EHHADH: variants seen among roughly 807,000 people sequenced by gnomAD.
EHHADH encodes the protein enoyl-CoA hydratase and 3-hydroxyacyl CoA dehydrogenase, also known as peroxisomal bifunctional enzyme.
A neutral mutation model predicts 64.4 loss-of-function variants in EHHADH; 48 were observed. The ratio of observed to expected loss-of-function variants is 0.75; its 90% confidence interval spans 0.59 to 0.95. The LOEUF is 0.95. Ranked by LOEUF, EHHADH falls within the 40% of genes least tolerant of loss-of-function variation. The pLI, the probability that EHHADH is intolerant of heterozygous loss-of-function variation, is 0.00. For missense variants in EHHADH, 854 were observed against 876.6 expected (o/e 0.97, Z 0.33); for synonymous variants, 308 against 326.7 (o/e 0.94, Z 0.62).
At position 185,192,330 on chromosome 3, in the gene EHHADH, G is replaced by A; in HGVS notation, c.2068C>T (p.Pro690Ser). The change falls in exon 7 of 7, where the codon CCC becomes TCC. Residue 690 changes from proline to serine, a missense_variant. Pro to Ser is a moderately conservative substitution (Grantham distance 74). Coordinates refer to ENST00000231887, the MANE Select transcript of EHHADH (RefSeq NM_001966.4). ...AGATAGTCACTTGGCTCCAGTTGGG[G>A]AATATCAGGGTTCTGCCTGTAATAT... The part of the protein sequence containing the change: ...QKYYRQNPDI[P>S]QLEPSDYLKK... 6.2e-7 allele frequency: 1 copy of A among 1,614,110 alleles called. No homozygotes were observed. The highest frequency in any genetic ancestry group is 1.7e-5 in the Admixed American group (1 of 60,014).
rs1244087363 is a variant in EHHADH, at chr3:185,235,468, G to A, written c.179-6C>T. 1.9e-6 allele frequency: 3 copies of A among 1,599,140 alleles called. No individual in the cohort carries two copies. The highest frequency in any genetic ancestry group is 1.1e-5 in the South Asian group (1 of 88,966). ...GAAGCCACGAATATCAGCACCTAAG[G>A]GCACAAAGACAAGGAGAAAACAGAG... On this transcript the variant is annotated splice_region_variant and splice_polypyrimidine_tract_variant and intron_variant, in intron 2 of 6. Coordinates refer to ENST00000231887, the MANE Select transcript of EHHADH (RefSeq NM_001966.4).
chr3:185,242,864 C>A (rs1214302172), intron 2 of EHHADH, among the ~76,000 whole-genome samples: 1 of 152,218 alleles, frequency 6.6e-6, no homozygotes, highest in Non-Finnish European at 1.5e-5. Context: ...CACCCTCCCC[C>A]GAGTTCTGGC....
At chr3:185,251,344 T>C (rs1034869112) in intron 1 of EHHADH, among the ~76,000 whole-genome samples, 2 of 152,078 alleles carry the variant, frequency 1.3e-5, no homozygotes, top group Middle Eastern at 3.4e-3. Flanking sequence ...CAAGTAAGGA[T>C]AGGTTTTGTT....
At chr3:185,200,113 T>C (rs1718184169) in intron 6 of EHHADH, among the ~76,000 whole-genome samples, 1 of 152,222 alleles carries the variant, frequency 6.6e-6, no homozygotes, top group Non-Finnish European at 1.5e-5. Context: ...ACACTTATTG[T>C]GTTAAGCTAC....
chr3:185,198,865 T>A (rs866584260), intron 6 of EHHADH, among the ~76,000 whole-genome samples: 128 of 151,862 alleles, frequency 8.4e-4, no homozygotes, highest in African/African-American at 2.9e-3. Flanking sequence ...AAAAAAAATT[T>A]AAAAAAAGAT....
intron 6 of EHHADH, among the ~76,000 whole-genome samples, 163 bp downstream of exon 6, chr3:185,204,253 C>T (rs181605142): frequency 6.0e-4 from 91 of 152,112 alleles, no homozygotes; most frequent in African/African-American, 2.1e-3. Flanking sequence ...GTCTCTAGGC[C>T]TCTCATGTTA....
chr3:185,249,639 T>G (rs1314343867), intron 1 of EHHADH, among the ~76,000 whole-genome samples: 1 of 152,158 alleles, frequency 6.6e-6, no homozygotes, highest in African/African-American at 2.4e-5. Flanking sequence ...GGTACTTGCT[T>G]CTCCTTTGCC....
intron 6 of EHHADH, among the ~76,000 whole-genome samples, chr3:185,203,708 G>T (rs1033289071): frequency 6.6e-6 from 1 of 152,138 alleles, no homozygotes; most frequent in Non-Finnish European, 1.5e-5. Flanking sequence ...TGAATGGATC[G>T]GGGGACGGAA....
chr3:185,205,789 G>T (rs1225740389), intron 5 of EHHADH, among the ~76,000 whole-genome samples: 2 of 152,090 alleles, frequency 1.3e-5, no homozygotes, highest in Non-Finnish European at 1.5e-5. Context: ...CCACTGAATA[G>T]GTGTGTGCAT....
At chr3:185,230,701 G>C (rs1224106252) in intron 3 of EHHADH, among the ~76,000 whole-genome samples, 1 of 41,202 alleles carries the variant, frequency 2.4e-5, no homozygotes, top group Non-Finnish European at 4.6e-5. Context: ...GGCAAAACAT[G>C]ATAAACAAAA....
At position 185,192,719 on chromosome 3, in the gene EHHADH, G is replaced by A. The variant is rs1264061280; in HGVS notation, c.1679C>T (p.Pro560Leu). ...ARKRGNRRYC[P>L]IPDVLCELGR... ...TAATTCACAGAGCACATCAGGAATT[G>A]GGCAGTACCTCCTATTACCCCTTTT... is the stretch of plus-strand genomic sequence containing the variant. Residue 560 changes from proline (P) to leucine (L), a missense_variant, in exon 7 of 7, where the codon CCA becomes CTA. Physicochemically the swap from Pro to Leu is moderately conservative, Grantham distance 98. Coordinates refer to ENST00000231887, the MANE Select transcript of EHHADH (RefSeq NM_001966.4). The A allele has an allele frequency of 1.6e-5, 26 of 1,613,944 alleles. No individual in the cohort carries two copies. The highest frequency in any genetic ancestry group is 2.1e-5 in the Non-Finnish European group (25 of 1,180,004).
At chr3:185,209,768 G>T (rs765659557) in intron 5 of EHHADH, among the ~76,000 whole-genome samples, 12 of 152,184 alleles carry the variant, frequency 7.9e-5, no homozygotes, top group Admixed American at 2.0e-4. Context: ...GTGTTGGAAA[G>T]AATGAGTTTC....
At chr3:185,201,703 C>G (rs1056531553) in intron 6 of EHHADH, among the ~76,000 whole-genome samples, 3 of 152,132 alleles carry the variant, frequency 2.0e-5, no homozygotes, top group Non-Finnish European at 2.9e-5. Context: ...ATATTTAGTA[C>G]GCCCTTTCCA....
In EHHADH at chr3:185,235,413, C is replaced by G. The variant is rs536884546; in HGVS notation, c.228G>C (p.Leu76=). The change falls in exon 3 of 7, where the codon CTG becomes CTC. Residue 76 remains leucine, a synonymous_variant. Transcript: ENST00000231887. The part of the protein sequence containing the change: ...FSAPRTFGLT[L]GHVVDEIQRN... ...TCTGTATTTCATCTACTACATGTCC[C>G]AGTGTAAGGCCAAATGTCCTAGGAG... The G allele has an allele frequency of 6.8e-6, 11 of 1,613,718 alleles. No homozygotes were observed. The highest frequency in any genetic ancestry group is 9.3e-6 in the Non-Finnish European group (11 of 1,179,946).
intron 3 of EHHADH, among the ~76,000 whole-genome samples, chr3:185,234,473 G>A (rs1233334953): frequency 6.6e-6 from 1 of 152,190 alleles, no homozygotes; most frequent in Non-Finnish European, 1.5e-5. Flanking sequence ...TAGAGTCTCG[G>A]GGCTCTCTAT....
At chr3:185,248,158 G>T in intron 2 of EHHADH, 1 of 393,330 alleles carries the variant, frequency 2.5e-6, no homozygotes, top group South Asian at 5.0e-5. Flanking sequence ...GTATATATCA[G>T]CAGGTGTATA....
At chr3:185,245,829 G>A (rs765948718) in intron 2 of EHHADH, 7 of 804,920 alleles carry the variant, frequency 8.7e-6, no homozygotes, top group East Asian at 2.4e-5. Flanking sequence ...ACGACCTGTG[G>A]AGGTTGCATA....
intron 6 of EHHADH, among the ~76,000 whole-genome samples, chr3:185,202,056 G>A (rs2108628046): frequency 6.6e-6 from 1 of 152,354 alleles, no homozygotes; most frequent in Admixed American, 6.5e-5. Flanking sequence ...TCACAAGTGA[G>A]GCTGGGCACA....
chr3:185,197,243 T>C (rs1434251590), intron 6 of EHHADH, among the ~76,000 whole-genome samples: 1 of 152,214 alleles, frequency 6.6e-6, no homozygotes, highest in South Asian at 2.1e-4. Context: ...CTAACAACCA[T>C]TGAATTGTAT....
Sources: allele counts gnomAD v4.1 joint callset (sites outside exome capture counted in the v4.1 genomes callset), GRCh38; gene constraint gnomAD v4.1.1; transcripts MANE v1.5; gene names NCBI Gene and HGNC (gene_info 2026-07-23, HGNC 2026-07-21).